Variants in AJM1 observed in about 807,000 individuals in gnomAD.
AJM1 encodes apical junction component 1 homolog.
AJM1 carries 22 observed loss-of-function variants against 43.0 expected under a neutral mutation model. That is an observed-to-expected ratio of 0.51 (90% CI 0.37 to 0.73). The LOEUF (loss-of-function observed/expected upper bound fraction) is 0.73. AJM1 is among the 30% of genes least tolerant of loss of function. The pLI, the probability that AJM1 is intolerant of heterozygous loss-of-function variation, is 0.00. For synonymous variants in AJM1, 719 were observed against 638.3 expected (o/e 1.13, Z -1.91); for missense variants, 1,305 against 1,343.3 (o/e 0.97, Z 0.45).
Position 136,845,783 on chromosome 9 carries a change from C to T in AJM1, c.1369C>T (p.Pro457Ser). ...RSWDNILAPG[P>S]RREDPLGRGR... ...CTGGGACAACATTCTGGCCCCGGGG[C>T]CGCGCCGAGAAGACCCGTTGGGCCG... Residue 457 changes from proline (P) to serine (S), a missense_variant, in exon 3 of 3, where the codon CCG becomes TCG. Physicochemically the swap from Pro to Ser is moderately conservative, Grantham distance 74. Coordinates refer to ENST00000436881, the MANE Select transcript of AJM1 (RefSeq NM_001080482.5). The T allele has an allele frequency of 1.3e-6, 2 of 1,572,296 alleles. No homozygotes were observed. The highest frequency in any genetic ancestry group is 1.7e-6 in the Non-Finnish European group (2 of 1,166,356).
At position 136,846,935 on chromosome 9, in the gene AJM1, G is replaced by A. The variant is rs1564379148; in HGVS notation, c.2521G>A (p.Gly841Arg). 2 of 1,400,250 alleles carry A rather than the reference G, an allele frequency of 1.4e-6. No homozygotes were observed. Among genetic ancestry groups the A allele is most frequent in the Non-Finnish European group, 1.9e-6 (2 of 1,070,978 alleles). 86.7% of individuals were successfully genotyped at this position (1,400,250 alleles called of 1,614,324 possible). The change falls in exon 3 of 3, where the codon GGG becomes AGG. Residue 841 changes from glycine (G) to arginine (R), a missense_variant. By Grantham distance (125) the Gly-to-Arg change is moderately radical. This residue lies in a region of AJM1 where 391 missense variants were observed against 507.5 expected (regional missense o/e 0.77). Coordinates refer to ENST00000436881, the MANE Select transcript of AJM1 (RefSeq NM_001080482.5). The stretch of plus-strand genomic sequence containing the variant: ...GCCCGCGCCCGCGCCACGCAGCCAC[G>A]GGCCAACAGTGCGCAAGTTCGCCAA... ...ALPAPAPRSH[G>R]PTVRKFAKVA...
Position 136,847,635 on chromosome 9 carries a change from C to T in AJM1, c.*290C>T, listed in dbSNP as rs1393027036. ...CCTCCTCCGGGCCTCCTCCCTCTCC[C>T]AGCTCGCCCTCGAGGATCCCCAGAA... is the stretch of plus-strand genomic sequence containing the variant. On this transcript the variant is annotated 3_prime_UTR_variant, in exon 3 of 3. Transcript: ENST00000436881. The T allele has an allele frequency of 1.5e-5, 6 of 395,358 alleles. No homozygotes were observed. Among genetic ancestry groups the T allele is most frequent in the Non-Finnish European group, 2.2e-5 (5 of 222,392 alleles). 24.5% of individuals were successfully genotyped at this position (395,358 alleles called of 1,614,324 possible). A position where few individuals can be genotyped will look rare whatever the true frequency, so the allele number is the denominator to read the frequency against.
At position 136,846,655 on chromosome 9, in the gene AJM1, C is replaced by T. The variant is rs1376355899; in HGVS notation, c.2241C>T (p.Arg747=). Residue 747 remains arginine (R), a synonymous_variant, in exon 3 of 3, where the codon CGC becomes CGT. Transcript: ENST00000436881. The part of the protein sequence containing the change: ...SRIARVGFLS[R]GRGVLFLGFP... ...TCGCGCGTGTCGGCTTCCTGTCGCG[C>T]GGCCGCGGCGTGCTCTTCCTGGGCT... 1 of 1,599,012 alleles carries T rather than the reference C, an allele frequency of 6.3e-7. No homozygotes were observed. The highest frequency in any genetic ancestry group is 8.5e-7 in the Non-Finnish European group (1 of 1,177,422).
Position 136,847,448 on chromosome 9 carries a change from G to A in AJM1, c.*103G>A. ...CAGGGCCGCCCCCGAGCCCCGCCAG[G>A]GCCCCACCCCGACTTCTTCTAGGCC... On this transcript the variant is annotated 3_prime_UTR_variant, in exon 3 of 3. Transcript: ENST00000436881. 1 of 949,190 alleles carries A rather than the reference G, an allele frequency of 1.1e-6. No homozygotes were observed. Among genetic ancestry groups the A allele is most frequent in the Non-Finnish European group, 1.5e-6 (1 of 685,376 alleles). 58.8% of individuals were successfully genotyped at this position (949,190 alleles called of 1,614,324 possible).
At position 136,844,399 on chromosome 9, in the gene AJM1, G is replaced by A. The variant is rs760568870; in HGVS notation, c.-16G>A. 5 of 1,600,638 alleles carry A rather than the reference G, an allele frequency of 3.1e-6. No homozygotes were observed. Among genetic ancestry groups the A allele is most frequent in the Non-Finnish European group, 1.7e-6 (2 of 1,170,540 alleles). ...CAGTGTGAGCTGGAGCCGCCAGCCTGGGGACCTCTTTTAAGATGACCCGTA... is the reference window on the plus strand; with the variant it reads ...CAGTGTGAGCTGGAGCCGCCAGCCTAGGGACCTCTTTTAAGATGACCCGTA... On this transcript the variant is annotated 5_prime_UTR_variant, in exon 3 of 3. Transcript: ENST00000436881.
Position 136,846,991 on chromosome 9 carries a change from G to A in AJM1, c.2577G>A (p.Arg859=). ...KVALAAGSPA[R]PPPARSREPD... ...CGCTGGCGGCCGGCAGCCCCGCGCG[G>A]CCGCCCCCGGCGCGGAGCCGCGAGC... Residue 859 remains arginine (R), a synonymous_variant, in exon 3 of 3, where the codon CGG becomes CGA. Coordinates refer to ENST00000436881, the MANE Select transcript of AJM1 (RefSeq NM_001080482.5). 8.2e-7 allele frequency: 1 copy of A among 1,223,594 alleles called. No homozygotes were observed. Among genetic ancestry groups the A allele is most frequent in the South Asian group, 1.7e-5 (1 of 57,902 alleles). 75.8% of individuals were successfully genotyped at this position (1,223,594 alleles called of 1,614,324 possible).
In AJM1 at chr9:136,846,887, G is replaced by A. The variant is rs1398524595; in HGVS notation, c.2473G>A (p.Ala825Thr). The A allele has an allele frequency of 2.6e-6, 4 of 1,531,116 alleles. No individual in the cohort carries two copies. Among genetic ancestry groups the A allele is most frequent in the African/African-American group, 2.8e-5 (2 of 70,490 alleles). 94.8% of individuals were successfully genotyped at this position (1,531,116 alleles called of 1,614,324 possible). ...SVSVAVGPGT[A>T]PPGTPALPAP... The stretch of plus-strand genomic sequence containing the variant: ...GTCCGTGGCCGTGGGACCCGGCACC[G>A]CGCCACCGGGGACACCGGCCCTGCC... Residue 825 changes from alanine (A) to threonine (T), a missense_variant, in exon 3 of 3, where the codon GCG becomes ACG. This residue lies in a region of AJM1 where 391 missense variants were observed against 507.5 expected (regional missense o/e 0.77). Transcript: ENST00000436881.
rs1848780577 is a variant in AJM1 at position 136,846,692 on chromosome 9, G to A, written c.2278G>A (p.Gly760Ser). ...GCTCTTCCTGGGCTTCCCAAGTCCA[G>A]GCTCGGCCGACAACTTCCTGCGCTT... ...GVLFLGFPSP[G>S]SADNFLRFGL... Residue 760 changes from glycine to serine, a missense_variant, in exon 3 of 3, where the codon GGC becomes AGC. Physicochemically the swap from Gly to Ser is moderately conservative, Grantham distance 56. Transcript: ENST00000436881. 6.2e-7 allele frequency: 1 copy of A among 1,603,930 alleles called. No homozygotes were observed. The highest frequency in any genetic ancestry group is 8.5e-7 in the Non-Finnish European group (1 of 1,178,792).
Position 136,846,159 on chromosome 9 carries a change from A to G in AJM1, c.1745A>G (p.Glu582Gly). The G allele has an allele frequency of 6.6e-7, 1 of 1,526,710 alleles. No individual in the cohort carries two copies. The highest frequency in any genetic ancestry group is 1.2e-5 in the South Asian group (1 of 83,066). 94.6% of individuals were successfully genotyped at this position (1,526,710 alleles called of 1,614,324 possible). ...CAGCGGAGCCTAGAGCAGCTGGACG[A>G]GCTCATCACGGACCTGGTCATCGAC... ...GRQRSLEQLD[E>G]LITDLVIDSR... The change falls in exon 3 of 3, where the codon GAG becomes GGG. Residue 582 changes from glutamate to glycine, a missense_variant. By Grantham distance (98) the Glu-to-Gly change is moderately conservative. Around this residue, in one of 6 missense-constraint regions of AJM1, gnomAD observed 391 missense variants for 507.5 expected, o/e 0.77. Coordinates refer to ENST00000436881, the MANE Select transcript of AJM1 (RefSeq NM_001080482.5).
rs1341370618 is a variant in AJM1 at position 136,844,487 on chromosome 9, C to T, written c.73C>T (p.Pro25Ser). The part of the protein sequence containing the change: ...YQDIKVATPG[P>S]ASKCSPCERS... ...GGACATCAAGGTGGCGACCCCGGGA[C>T]CCGCGTCCAAGTGCTCGCCATGTGA... Residue 25 changes from proline to serine, a missense_variant, in exon 3 of 3, where the codon CCC becomes TCC. Around this residue, in one of 6 missense-constraint regions of AJM1, gnomAD observed 128 missense variants for 120.6 expected, o/e 1.06. Transcript: ENST00000436881. 2 of 1,611,040 alleles carry T rather than the reference C, an allele frequency of 1.2e-6. No homozygotes were observed. Among genetic ancestry groups the T allele is most frequent in the Non-Finnish European group, 1.7e-6 (2 of 1,179,180 alleles).
rs1230729111 is a variant in AJM1 at position 136,845,025 on chromosome 9, C to G, written c.611C>G (p.Ser204Trp). The change falls in exon 3 of 3, where the codon TCG (serine) becomes TGG (tryptophan). Residue 204 changes from serine (S) to tryptophan (W), a missense_variant. Physicochemically the swap from Ser to Trp is radical, Grantham distance 177. Transcript: ENST00000436881. ...GTGCTCCAGCACGCCACCCGGGGCT[C>G]GCGGTCCTGCGGGCCCACCGAGGCC... ...DAVLQHATRG[S>W]RSCGPTEAAH... 1.9e-5 allele frequency: 13 copies of G among 700,296 alleles called. No individual in the cohort carries two copies. The highest frequency in any genetic ancestry group is 2.9e-5 in the Non-Finnish European group (12 of 417,046). The allele number at this position is 700,296 out of a possible 1,614,324, so 43.4% of individuals were successfully genotyped here. A position where few individuals can be genotyped will look rare whatever the true frequency, so the allele number is the denominator to read the frequency against.
rs763141251 is a variant in AJM1, at chr9:136,846,824, C to T, written c.2410C>T (p.Arg804Cys). 2 of 1,589,664 alleles carry T rather than the reference C, an allele frequency of 1.3e-6. No individual in the cohort carries two copies. The highest frequency in any genetic ancestry group is 2.3e-5 in the East Asian group (1 of 44,144). Residue 804 changes from arginine to cysteine, a missense_variant, in exon 3 of 3, where the codon CGC becomes TGC. This residue lies in a region of AJM1 where 391 missense variants were observed against 507.5 expected (regional missense o/e 0.77). Coordinates refer to ENST00000436881, the MANE Select transcript of AJM1 (RefSeq NM_001080482.5). ...SYARELAAAG[R>C]LYEPAECFLL... ...CGCGCGCGAGCTGGCGGCCGCTGGGCGCCTCTACGAACCGGCAGAGTGCTT... is the reference window on the plus strand; with the variant it reads ...CGCGCGCGAGCTGGCGGCCGCTGGGTGCCTCTACGAACCGGCAGAGTGCTT...
At position 136,847,596 on chromosome 9, in the gene AJM1, C is replaced by T. The variant is rs1240134824; in HGVS notation, c.*251C>T. 2.5e-6 allele frequency: 1 copy of T among 402,512 alleles called. No individual in the cohort carries two copies. Among genetic ancestry groups the T allele is most frequent in the South Asian group, 8.2e-5 (1 of 12,164 alleles). 24.9% of individuals were successfully genotyped at this position (402,512 alleles called of 1,614,324 possible). ...CACAGGCCCTTCGCCTTCCCACCCC[C>T]AGCAACCCCTCTCCCTCCTCCGGGC... On this transcript the variant is annotated 3_prime_UTR_variant, in exon 3 of 3. Transcript: ENST00000436881.
chr9:136,845,803 G>A lies in AJM1; in HGVS notation c.1389G>A (p.Leu463=), dbSNP rs780780682. 1.3e-6 allele frequency: 2 copies of A among 1,569,906 alleles called. No individual in the cohort carries two copies. The highest frequency in any genetic ancestry group is 1.7e-6 in the Non-Finnish European group (2 of 1,163,816). The part of the protein sequence containing the change: ...LAPGPRREDP[L]GRGRSYENLL... ...CGGGGCCGCGCCGAGAAGACCCGTT[G>A]GGCCGCGGCCGCAGCTACGAGAACC... The change falls in exon 3 of 3, where the codon TTG becomes TTA. Residue 463 remains leucine, a synonymous_variant. Coordinates refer to ENST00000436881, the MANE Select transcript of AJM1 (RefSeq NM_001080482.5).
Position 136,846,290 on chromosome 9 carries a change from C to A in AJM1, c.1876C>A (p.Leu626Met). Residue 626 changes from leucine (L) to methionine (M), a missense_variant, in exon 3 of 3, where the codon CTG (leucine) becomes ATG (methionine). Transcript: ENST00000436881. The stretch of plus-strand genomic sequence containing the variant: ...GCCCGCGGGCTCCGGGGCCCCCGCG[C>A]TGGCGCCGCCACGCTCGCCCCCCGC... ...SRPAGSGAPA[L>M]APPRSPPASA... The A allele has an allele frequency of 8.5e-7, 1 of 1,182,930 alleles. No individual in the cohort carries two copies. Among genetic ancestry groups the A allele is most frequent in the Non-Finnish European group, 1.1e-6 (1 of 943,438 alleles). The allele number at this position is 1,182,930 out of a possible 1,614,324, so 73.3% of individuals were successfully genotyped here.
rs372798221 is a variant in AJM1 at position 136,845,335 on chromosome 9, C to T, written c.921C>T (p.Pro307=). The change falls in exon 3 of 3, where the codon CCC becomes CCT. Residue 307 remains proline, a synonymous_variant. Coordinates refer to ENST00000436881, the MANE Select transcript of AJM1 (RefSeq NM_001080482.5). ...SPGPTFDAYY[P]RPYPSEELSG... Reference sequence around the variant, plus strand: ...GCCCAACCTTCGACGCCTACTACCCCAGGCCCTATCCGTCCGAGGAGCTCT... The same window carrying T: ...GCCCAACCTTCGACGCCTACTACCCTAGGCCCTATCCGTCCGAGGAGCTCT... The T allele has an allele frequency of 1.2e-6, 2 of 1,612,372 alleles. No individual in the cohort carries two copies. The highest frequency in any genetic ancestry group is 8.5e-7 in the Non-Finnish European group (1 of 1,179,814).
rs756460472 is a variant in AJM1, at chr9:136,844,521, T to G, written c.107T>G (p.Val36Gly). The change falls in exon 3 of 3, where the codon GTG becomes GGG. Residue 36 changes from valine to glycine, a missense_variant. This residue lies in a region of AJM1 where 128 missense variants were observed against 120.6 expected (regional missense o/e 1.06). Transcript: ENST00000436881. ...AAGTGCTCGCCATGTGAGCGATCCG[T>G]GGCCCGGCCTGCTGAGCCCGCGCCT... Reference protein sequence around the residue: ...ASKCSPCERSVARPAEPAPFN... With the variant: ...ASKCSPCERSGARPAEPAPFN... 3 of 1,608,126 alleles carry G rather than the reference T, an allele frequency of 1.9e-6. No homozygotes were observed.
At position 136,845,632 on chromosome 9, in the gene AJM1, G is replaced by A. The variant is rs761986244; in HGVS notation, c.1218G>A (p.Pro406=). Residue 406 remains proline, a synonymous_variant, in exon 3 of 3, where the codon CCG becomes CCA. Transcript: ENST00000436881. ...RSSPAWADWG[P]RPYRTLQVVP... ...GCCCGGCCTGGGCGGACTGGGGCCC[G>A]CGACCGTACCGCACCCTGCAAGTGG... is the stretch of plus-strand genomic sequence containing the variant. 5.1e-6 allele frequency: 8 copies of A among 1,578,032 alleles called. No homozygotes were observed. The South Asian group carries it at 9.1e-5, about 18-fold the overall frequency.
rs2131218998 is a variant in AJM1 at position 136,847,050 on chromosome 9, C to T, written c.2636C>T (p.Pro879Leu). 1 of 1,378,592 alleles carries T rather than the reference C, an allele frequency of 7.3e-7. No individual in the cohort carries two copies. The highest frequency in any genetic ancestry group is 9.7e-7 in the Non-Finnish European group (1 of 1,033,860). The allele number at this position is 1,378,592 out of a possible 1,614,324, so 85.4% of individuals were successfully genotyped here. The change falls in exon 3 of 3, where the codon CCG becomes CTG. Residue 879 changes from proline (P) to leucine (L), a missense_variant. Around this residue, in one of 6 missense-constraint regions of AJM1, gnomAD observed 391 missense variants for 507.5 expected, o/e 0.77. Transcript: ENST00000436881. Reference protein sequence around the residue: ...DMETLILTPPPGTAGLDQDGE... With the variant: ...DMETLILTPPLGTAGLDQDGE... ...GAGACGCTGATCCTGACGCCACCGC[C>T]GGGCACGGCGGGCCTGGATCAGGAC...
Sources: allele counts gnomAD v4.1 joint callset, GRCh38; gene constraint gnomAD v4.1.1; regional missense constraint gnomAD v4.1.1; transcripts MANE v1.5; gene names NCBI Gene and HGNC (gene_info 2026-07-23, HGNC 2026-07-21).